TIAM2: variants seen among roughly 807,000 people sequenced by gnomAD.
TIAM2 encodes the protein TIAM Rac1 associated GEF 2, also known as rho guanine nucleotide exchange factor TIAM2.
Under a neutral mutation model 152.9 loss-of-function variants are expected in TIAM2, and 80 were observed. That is an observed-to-expected ratio of 0.52 (90% CI 0.44 to 0.63). TIAM2 has a LOEUF of 0.63. TIAM2 is among the 30% of genes least tolerant of loss of function. The pLI is 0.00. For missense variants in TIAM2, 1,965 were observed against 2,120.1 expected, an observed-to-expected ratio of 0.93 and a Z score of 1.44; for synonymous variants, 804 against 838.0, an observed-to-expected ratio of 0.96 and a Z score of 0.70.
intron 26 of TIAM2, 31 bp downstream of exon 26, chr6:155,254,604 A>C: frequency 6.2e-7 from 1 of 1,601,954 alleles, no homozygotes; most frequent in Non-Finnish European, 8.5e-7. Flanking sequence ...GTGTTTATTC[A>C]ACAAAATATT....
At chr6:155,209,300 A>G (rs1781665750) in intron 14 of TIAM2, among the ~76,000 whole-genome samples, 1 of 152,100 alleles carries the variant, frequency 6.6e-6, no homozygotes, top group African/African-American at 2.4e-5. Context: ...CTCAAGAAGT[A>G]TGTGTTGAGC....
At chr6:155,165,496 TTC>T (rs1396995215) in intron 9 of TIAM2, 87 bp downstream of exon 9, 1 of 1,515,460 alleles carries the variant, frequency 6.6e-7, no homozygotes, top group African/African-American at 1.4e-5. Context: ...TCAATGTTCA[TTC>T]TCTGTTAAGA....
At chr6:155,134,158 T>C (rs1779505647) in intron 4 of TIAM2, among the ~76,000 whole-genome samples, 1 of 152,004 alleles carries the variant, frequency 6.6e-6, no homozygotes, top group African/African-American at 2.4e-5. Context: ...TTTGTGTGTG[T>C]GTGTATATAT....
chr6:155,178,222 T>C (rs1780804095), intron 10 of TIAM2, among the ~76,000 whole-genome samples: 2 of 141,142 alleles, frequency 1.4e-5, no homozygotes, highest in East Asian at 2.1e-4. Context: ...AGTTAGAGCA[T>C]AGGCCTGAGA....
chr6:155,094,790 C>T (rs1778384270), intron 2 of TIAM2, among the ~76,000 whole-genome samples: 1 of 150,488 alleles, frequency 6.6e-6, no homozygotes, highest in South Asian at 2.1e-4. Context: ...ACTATGTTGC[C>T]CAGGCTGGTC....
At chr6:155,002,806 A>G (rs1405083001) in intron 1 of TIAM2, among the ~76,000 whole-genome samples, 1 of 151,110 alleles carries the variant, frequency 6.6e-6, no homozygotes, top group East Asian at 1.9e-4. Flanking sequence ...TTAGCTTCCC[A>G]AGTAGTTGGG....
chr6:155,242,301 C>A (rs9383746), intron 16 of TIAM2, among the ~76,000 whole-genome samples: 1 of 152,172 alleles, frequency 6.6e-6, no homozygotes, highest in African/African-American at 2.4e-5. Context: ...CACACACCAC[C>A]GTTTCTTCAT....
rs533622678 is a variant in TIAM2 at position 155,046,845 on chromosome 6, C to T, written c.-208-43444C>T. On this transcript the variant is annotated intron_variant, in intron 1 of 26. Transcript: ENST00000682666. Reference sequence around the variant, plus strand: ...GCTGCCCCTCCCAGACTTGCCACTGCCTCTTGGGTTTTGATTTGCTGCTGT... The same window carrying T: ...GCTGCCCCTCCCAGACTTGCCACTGTCTCTTGGGTTTTGATTTGCTGCTGT... Among the ~76,000 whole-genome samples the T allele has an allele frequency of 4.8e-4, 73 of 152,250 alleles. No individual in the cohort carries two copies. In the South Asian group the frequency reaches 0.013, roughly 26 times the overall value.
intron 14 of TIAM2, among the ~76,000 whole-genome samples, chr6:155,189,346 G>A (rs1781131364): frequency 1.3e-5 from 2 of 151,744 alleles, no homozygotes. Context: ...AAGATGAGTG[G>A]TACTTTTTTT....
chr6:155,218,181 T>C lies in TIAM2; in HGVS notation c.3168+6874T>C, dbSNP rs73792803. ...GTCTTTCTCCATGGTTGCTATTCAA[T>C]AGATGAATAGAATCATGATCCTTTT... On this transcript the variant is annotated intron_variant, in intron 15 of 26. Coordinates refer to ENST00000682666, the MANE Select transcript of TIAM2 (RefSeq NM_012454.4). This position sits in a 1 kb window ranked among gnomAD's most constrained non-coding sequence, Gnocchi z 4.5. Among the ~76,000 whole-genome samples, 2,408 of 152,352 alleles carry C rather than the reference T, an allele frequency of 0.016. 56 individuals are homozygous for C. The highest frequency in any genetic ancestry group is 0.054 in the African/African-American group (2,259 of 41,572).
At chr6:154,996,159 A>G (rs1420660503) in intron 1 of TIAM2, among the ~76,000 whole-genome samples, 6 of 152,236 alleles carry the variant, frequency 3.9e-5, no homozygotes, top group Non-Finnish European at 5.9e-5. Flanking sequence ...GAAAGAAAAG[A>G]GTCCATTCTT....
chr6:155,131,204 A>G (rs906353165), intron 4 of TIAM2, among the ~76,000 whole-genome samples: 1 of 152,200 alleles, frequency 6.6e-6, no homozygotes, highest in Non-Finnish European at 1.5e-5. Context: ...TACCCAAAAT[A>G]CAAAAATTAG....
chr6:155,205,275 T>C (rs1309754552), intron 14 of TIAM2, among the ~76,000 whole-genome samples: 1 of 151,434 alleles, frequency 6.6e-6, no homozygotes, highest in Non-Finnish European at 1.5e-5. Context: ...CCTGTCACTT[T>C]GCATTTCTTG....
chr6:155,178,809 A>T (rs1368684490), intron 10 of TIAM2, among the ~76,000 whole-genome samples: 1 of 152,074 alleles, frequency 6.6e-6, no homozygotes, highest in Non-Finnish European at 1.5e-5. Context: ...TCCTGACCTC[A>T]AGTGATCCAC....
At chr6:155,052,300 A>G (rs1208883705) in intron 1 of TIAM2, among the ~76,000 whole-genome samples, 1 of 152,254 alleles carries the variant, frequency 6.6e-6, no homozygotes, top group Non-Finnish European at 1.5e-5. Context: ...TACCATTAGC[A>G]TAATATCAAT....
At chr6:155,245,852 C>T in intron 19 of TIAM2, 121 bp downstream of exon 19, 1 of 587,914 alleles carries the variant, frequency 1.7e-6, no homozygotes, top group Non-Finnish European at 2.8e-6. Flanking sequence ...AAGGTCCATC[C>T]TTGACCTTGA....
intron 1 of TIAM2, among the ~76,000 whole-genome samples, chr6:155,061,614 G>T (rs1427825512): frequency 6.6e-6 from 1 of 152,164 alleles, no homozygotes; most frequent in African/African-American, 2.4e-5. Flanking sequence ...ACCGTCTACA[G>T]GGCAGTGTTT....
chr6:155,029,574 G>A (rs1304022860), intron 1 of TIAM2, among the ~76,000 whole-genome samples: 5 of 95,476 alleles, frequency 5.2e-5, no homozygotes, highest in African/African-American at 1.7e-4. Flanking sequence ...CTATATAATA[G>A]TATATATAAC....
At chr6:155,220,342 A>T (rs2115238845) in intron 15 of TIAM2, among the ~76,000 whole-genome samples, 1 of 152,342 alleles carries the variant, frequency 6.6e-6, no homozygotes, top group South Asian at 2.1e-4. Context: ...TTTCTCTATT[A>T]AACATGGAAT....
Sources: allele counts gnomAD v4.1 joint callset (sites outside exome capture counted in the v4.1 genomes callset), GRCh38; gene constraint gnomAD v4.1.1; non-coding constraint Gnocchi (gnomAD v3.1); transcripts MANE v1.5; gene names NCBI Gene and HGNC (gene_info 2026-07-23, HGNC 2026-07-21).